The following POLE2 variants were observed in gnomAD, a reference collection of about 807,000 sequenced individuals.
POLE2 encodes DNA polymerase epsilon subunit 2.
POLE2 carries 56 observed loss-of-function variants against 79.4 expected under a neutral mutation model. The ratio of observed to expected loss-of-function variants is 0.71; its 90% CI spans 0.57 to 0.88. The LOEUF is 0.88. Among genes scored for constraint, POLE2 ranks in the 40% least tolerant of loss-of-function variants. The pLI is 0.00. For synonymous variants in POLE2, 212 were observed against 214.0 expected (o/e 0.99, Z 0.08); for missense variants, 598 against 638.9 (o/e 0.94, Z 0.69).
intron 4 of POLE2, 41 bp from the exon 5 acceptor site, chr14:49,674,257 C>T: frequency 6.7e-7 from 1 of 1,487,918 alleles, no homozygotes; most frequent in Non-Finnish European, 9.4e-7. Context: ...TCATAATACA[C>T]AAAGGTGAGC....
intron 2 of POLE2, among the ~76,000 whole-genome samples, chr14:49,680,551 A>C (rs1886629441): frequency 6.6e-6 from 1 of 152,180 alleles, no homozygotes; most frequent in South Asian, 2.1e-4. Flanking sequence ...GTCCTGTAAG[A>C]CTGATGTTAA....
chr14:49,652,934 G>A (rs1481434895), intron 15 of POLE2, among the ~76,000 whole-genome samples: 2 of 152,128 alleles, frequency 1.3e-5, no homozygotes, highest in Non-Finnish European at 2.9e-5. Flanking sequence ...GAGGGTTGTG[G>A]AGGTAGAGGT....
At chr14:49,650,102 T>G (rs540655146) in intron 17 of POLE2, 163 bp downstream of exon 17, 1 of 410,044 alleles carries the variant, frequency 2.4e-6, no homozygotes, top group South Asian at 1.1e-4. Context: ...GTTTAAGAAC[T>G]TTCTGTGTAT....
intron 3 of POLE2, among the ~76,000 whole-genome samples, chr14:49,676,737 G>C (rs910229383): frequency 6.6e-6 from 1 of 152,242 alleles, no homozygotes; most frequent in African/African-American, 2.4e-5. Flanking sequence ...GGCCTGACAG[G>C]TGTGGGAGCA....
At chr14:49,681,330 T>C (rs1453323616) in intron 2 of POLE2, 2 of 215,380 alleles carry the variant, frequency 9.3e-6, no homozygotes, top group Non-Finnish European at 2.0e-5. Flanking sequence ...AATAGAGAGG[T>C]GTCTCAGAAA....
Position 49,647,292 on chromosome 14 carries a change from C to A in POLE2, c.1565+1G>T, listed in dbSNP as rs749380464. On this transcript the variant is annotated splice_donor_variant, in intron 18 of 18. Coordinates refer to ENST00000216367, the MANE Select transcript of POLE2 (RefSeq NM_002692.4). LOFTEE classifies it high-confidence loss of function. ...CTTGCTGTGTCTGTGCACACACTTA[C>A]CTATCTTCTACTGTCTTATTAGAAG... 6.8e-7 allele frequency: 1 copy of A among 1,472,638 alleles called. No individual in the cohort carries two copies. Among genetic ancestry groups the A allele is most frequent in the Non-Finnish European group, 9.4e-7 (1 of 1,068,728 alleles). The allele number at this position is 1,472,638 out of a possible 1,614,324, so 91.2% of individuals were successfully genotyped here.
intron 5 of POLE2, among the ~76,000 whole-genome samples, chr14:49,671,017 T>C (rs1268153575): frequency 6.6e-6 from 1 of 152,190 alleles, no homozygotes; most frequent in Non-Finnish European, 1.5e-5. Context: ...TGAAGTAGGA[T>C]AATGATAACA....
intron 3 of POLE2, chr14:49,677,418 G>T: frequency 2.1e-6 from 1 of 471,670 alleles, no homozygotes; most frequent in Non-Finnish European, 3.9e-6. Context: ...TAGGCCCACA[G>T]GGACCTGAAG....
chr14:49,683,359 G>A (rs551635753), intron 2 of POLE2, among the ~76,000 whole-genome samples: 10 of 151,264 alleles, frequency 6.6e-5, no homozygotes, highest in Admixed American at 1.3e-4. Flanking sequence ...CCAAGATAGC[G>A]CCATTGCACT....
At chr14:49,644,530 C>A (rs945138118) in intron 18 of POLE2, among the ~76,000 whole-genome samples, 8 of 150,458 alleles carry the variant, frequency 5.3e-5, no homozygotes, top group African/African-American at 2.0e-4. Flanking sequence ...AAAAAGTATT[C>A]TAATCATATA....
chr14:49,683,747 GT>G, intron 1 of POLE2, 54 bp from the exon 2 acceptor site: 1 of 874,506 alleles, frequency 1.1e-6, no homozygotes, highest in Non-Finnish European at 1.8e-6. Context: ...AAGGCTAAAA[GT>G]TTTCTGCCAA....
At chr14:49,687,601 G>C (rs1887247514) in intron 1 of POLE2, among the ~76,000 whole-genome samples, 1 of 152,058 alleles carries the variant, frequency 6.6e-6, no homozygotes, top group South Asian at 2.1e-4. Flanking sequence ...GGCTCAGTTT[G>C]ACATGTGCAG....
At chr14:49,648,786 TAGA>T (rs1487241765) in intron 17 of POLE2, among the ~76,000 whole-genome samples, 1 of 152,204 alleles carries the variant, frequency 6.6e-6, no homozygotes, top group East Asian at 1.9e-4. Context: ...AGCCATGTCT[TAGA>T]AGAAGCTGGA....
At chr14:49,686,708 C>A (rs1293441678) in intron 1 of POLE2, among the ~76,000 whole-genome samples, 3 of 152,184 alleles carry the variant, frequency 2.0e-5, no homozygotes, top group Non-Finnish European at 4.4e-5. Flanking sequence ...TTGCAGCTAA[C>A]AGATTTAAGT....
intron 17 of POLE2, 33 bp from the exon 18 acceptor site, chr14:49,647,393 C>A (rs372142934): frequency 3.8e-6 from 4 of 1,054,976 alleles, no homozygotes; most frequent in Non-Finnish European, 5.4e-6. Context: ...TAAGTGAATG[C>A]TCAGACTTTT....
Position 49,685,618 on chromosome 14 carries a change from T to C in POLE2, c.69-1925A>G, listed in dbSNP as rs994183148. ...CTAGTCAGGTCCTGTTCTTTCTTTT[T>C]TTTCTTTCTTTCTTTTTTGAGATGG... On this transcript the variant is annotated intron_variant, in intron 1 of 18. Coordinates refer to ENST00000216367, the MANE Select transcript of POLE2 (RefSeq NM_002692.4). Among the ~76,000 whole-genome samples the C allele has an allele frequency of 2.6e-4, 39 of 152,130 alleles. 1 individual carries two copies. The highest frequency in any genetic ancestry group is 4.7e-4 in the Non-Finnish European group (32 of 67,998).
intron 8 of POLE2, 31 bp downstream of exon 8, chr14:49,665,076 A>G: frequency 9.5e-7 from 1 of 1,050,374 alleles, no homozygotes; most frequent in South Asian, 1.3e-5. Context: ...CGTAATGCAG[A>G]TTTTAAAAAA....
Position 49,651,276 on chromosome 14 carries a change from G to C in POLE2, c.1313C>G (p.Pro438Arg). 1 of 1,541,110 alleles carries C rather than the reference G, an allele frequency of 6.5e-7. No individual in the cohort carries two copies. Among genetic ancestry groups the C allele is most frequent in the Non-Finnish European group, 9.0e-7 (1 of 1,115,368 alleles). Reference protein sequence around the residue: ...VRFPSSNLAIPNHFVKTILSQ... With the variant: ...VRFPSSNLAIRNHFVKTILSQ... ...AAAAGTTGTTTCACTTACGTGATTA[G>C]GAATAGCCAAATTGCTGCTAGGAAA... The change falls in exon 16 of 19, where the codon CCT becomes CGT. Residue 438 changes from proline (P) to arginine (R), a missense_variant. Physicochemically the swap from Pro to Arg is moderately radical, Grantham distance 103. Coordinates refer to ENST00000216367, the MANE Select transcript of POLE2 (RefSeq NM_002692.4).
In POLE2 at chr14:49,688,160, T is replaced by C; in HGVS notation, c.44A>G (p.Lys15Arg). The change falls in exon 1 of 19, where the codon AAG becomes AGG. Residue 15 changes from lysine (K) to arginine (R), a missense_variant. By Grantham distance (26) the Lys-to-Arg change is conservative. Transcript: ENST00000216367. ...RLRSRALSAF[K>R]LRGLLLRGEA... ...CCCACGGAGCAGCAAGCCCCGCAAC[T>C]TGAAGGCGGAGAGCGCCCGGCTCCG... is the stretch of plus-strand genomic sequence containing the variant. The C allele has an allele frequency of 6.4e-7, 1 of 1,554,940 alleles. No individual in the cohort carries two copies. Among genetic ancestry groups the C allele is most frequent in the East Asian group, 2.5e-5 (1 of 39,690 alleles).
Sources: gnomAD v4.1 joint callset for allele counts (sites outside exome capture counted in the v4.1 genomes callset) on GRCh38, gnomAD v4.1.1 for gene constraint, MANE v1.5 for transcripts, NCBI Gene and HGNC (gene_info 2026-07-23, HGNC 2026-07-21) for gene names.